NPAS2: variants seen among roughly 807,000 people sequenced by gnomAD.
The protein encoded by NPAS2 is neuronal PAS domain-containing protein 2.
NPAS2 carries 23 observed loss-of-function variants against 107.5 expected under a neutral mutation model. The ratio of observed to expected loss-of-function variants is 0.21; its 90% CI spans 0.15 to 0.30. The LOEUF (loss-of-function observed/expected upper bound fraction) is 0.30, where lower values mean the gene tolerates loss of function less well. Ranked by LOEUF, NPAS2 falls within the 10% of genes least tolerant of loss-of-function variation. The probability of loss-of-function intolerance (pLI) is 1.00; values close to 1 mark genes in which losing one functional copy is unlikely to be tolerated. For missense variants in NPAS2, 756 were observed against 1,043.3 expected, an observed-to-expected ratio of 0.72 and a Z score of 3.79; for synonymous variants, 403 against 417.5, an observed-to-expected ratio of 0.97 and a Z score of 0.42.
At chr2:100,942,362 T>C (rs1472340805) in intron 5 of NPAS2, among the ~76,000 whole-genome samples, 1 of 152,076 alleles carries the variant, frequency 6.6e-6, no homozygotes, top group East Asian at 1.9e-4. Context: ...AGCATCCCTC[T>C]GCCCTTCCCA....
intron 14 of NPAS2, 91 bp from the exon 15 acceptor site, chr2:100,977,619 G>A (rs944000374): frequency 3.0e-5 from 33 of 1,101,260 alleles, no homozygotes; most frequent in African/African-American, 1.5e-5. Flanking sequence ...CCCCAGTGCG[G>A]AACGCAGAGA....
chr2:100,854,318 C>G (rs1259980145), intron 1 of NPAS2, among the ~76,000 whole-genome samples: 3 of 152,106 alleles, frequency 2.0e-5, no homozygotes, highest in Non-Finnish European at 4.4e-5. Flanking sequence ...AAACCCAAGC[C>G]TAAGTGGCTT....
At chr2:100,950,753 G>A (rs183661619) in intron 7 of NPAS2, among the ~76,000 whole-genome samples, 2 of 152,298 alleles carry the variant, frequency 1.3e-5, no homozygotes, top group East Asian at 3.9e-4. Context: ...ACCCATCCAG[G>A]GCTTAAGATG....
At chr2:100,931,314 G>GC (rs762724749) in intron 3 of NPAS2, among the ~76,000 whole-genome samples, 13 of 151,974 alleles carry the variant, frequency 8.6e-5, no homozygotes, top group Non-Finnish European at 1.5e-4. Flanking sequence ...GCTCTTTTCT[G>GC]CCCCTTTAAA....
chr2:100,888,917 T>C (rs1680881121), intron 1 of NPAS2, among the ~76,000 whole-genome samples: 1 of 152,172 alleles, frequency 6.6e-6, no homozygotes, highest in African/African-American at 2.4e-5. Context: ...GCCACTTCTT[T>C]AGACATTTGC....
intron 2 of NPAS2, among the ~76,000 whole-genome samples, chr2:100,921,906 C>T (rs1331837080): frequency 3.3e-5 from 5 of 152,158 alleles, no homozygotes; most frequent in African/African-American, 9.7e-5. Context: ...ATTCTTATTA[C>T]CCCTGAACTG....
Position 100,995,910 on chromosome 2 carries a change from C to G in NPAS2, c.*328C>G. On this transcript the variant is annotated 3_prime_UTR_variant, in exon 21 of 21. Coordinates refer to ENST00000335681, the MANE Select transcript of NPAS2 (RefSeq NM_002518.4). ...TCTCGCTGCATCCCCCGAGAGTACACCGGTTGCTCTAGCCACCTGCGGCCC... is the reference window on the plus strand; with the variant it reads ...TCTCGCTGCATCCCCCGAGAGTACAGCGGTTGCTCTAGCCACCTGCGGCCC... The G allele has an allele frequency of 7.0e-7, 1 of 1,431,554 alleles. No homozygotes were observed. The highest frequency in any genetic ancestry group is 2.1e-5 in the Admixed American group (1 of 47,518). 88.7% of individuals were successfully genotyped at this position (1,431,554 alleles called of 1,614,324 possible). A position where few individuals can be genotyped will look rare whatever the true frequency, so the allele number is the denominator to read the frequency against.
intron 17 of NPAS2, 42 bp downstream of exon 17, chr2:100,988,318 C>A: frequency 6.5e-7 from 1 of 1,545,858 alleles, no homozygotes; most frequent in Non-Finnish European, 8.9e-7. Context: ...GCCTCTAGAG[C>A]AGACACCCTC....
chr2:100,946,553 TG>T (rs2105033271), intron 5 of NPAS2, among the ~76,000 whole-genome samples: 1 of 152,186 alleles, frequency 6.6e-6, no homozygotes, highest in Non-Finnish European at 1.5e-5. Context: ...TGCTGGGAGC[TG>T]GGAGAGGCAG....
At chr2:100,972,442 G>C (rs536590071) in intron 12 of NPAS2, among the ~76,000 whole-genome samples, 2 of 152,324 alleles carry the variant, frequency 1.3e-5, no homozygotes, top group Admixed American at 6.5e-5. Flanking sequence ...AGAGCCTTGG[G>C]CCAGAGGCTG....
At chr2:100,830,984 G>A (rs1676694408) in intron 1 of NPAS2, among the ~76,000 whole-genome samples, 1 of 152,132 alleles carries the variant, frequency 6.6e-6, no homozygotes, top group Non-Finnish European at 1.5e-5. Flanking sequence ...AAGCCAGTCT[G>A]GCTGCTACAT....
At chr2:100,935,754 A>T (rs916185201) in intron 4 of NPAS2, among the ~76,000 whole-genome samples, 1 of 152,130 alleles carries the variant, frequency 6.6e-6, no homozygotes, top group Non-Finnish European at 1.5e-5. Context: ...CTTACCCCTT[A>T]AAAAAATTCA....
chr2:100,990,524 G>A (rs1351038377), intron 18 of NPAS2, 78 bp downstream of exon 18: 9 of 1,455,796 alleles, frequency 6.2e-6, no homozygotes, highest in Non-Finnish European at 8.6e-6. Flanking sequence ...TTCTGCTTTA[G>A]ACGGAGGCAG....
intron 1 of NPAS2, among the ~76,000 whole-genome samples, chr2:100,852,662 G>T (rs1169359285): frequency 1.3e-5 from 2 of 152,134 alleles, no homozygotes; most frequent in Admixed American, 6.5e-5. Context: ...TGCAGGAAGG[G>T]ATTCATGCAC....
At chr2:100,868,457 G>T (rs1369515964) in intron 1 of NPAS2, among the ~76,000 whole-genome samples, 1 of 152,136 alleles carries the variant, frequency 6.6e-6, no homozygotes, top group Non-Finnish European at 1.5e-5. Context: ...CATGGTGATT[G>T]TCTCCAGGAA....
At chr2:100,857,953 A>T (rs75097289) in intron 1 of NPAS2, among the ~76,000 whole-genome samples, 3,277 of 152,324 alleles carry the variant, frequency 0.022, 62 homozygotes, top group South Asian at 0.033. Flanking sequence ...TATCAGCTGT[A>T]GGCAAGTTGG....
intron 5 of NPAS2, among the ~76,000 whole-genome samples, chr2:100,946,518 A>G (rs1177987985): frequency 2.0e-5 from 3 of 152,200 alleles, no homozygotes; most frequent in African/African-American, 7.2e-5. Flanking sequence ...ACTGGAGGAA[A>G]AAAGGCTCGG....
At position 100,964,874 on chromosome 2, in the gene NPAS2, T is replaced by C; in HGVS notation, c.731T>C (p.Val244Ala). ...CTTCCAATACAGGAAATGTGCATAG[T>C]TGACGAACCTTTAGAGGAATTCACT... ...TPQFLKEMCIVDEPLEEFTSR... is the reference protein window; with the variant it reads ...TPQFLKEMCIADEPLEEFTSR... Residue 244 changes from valine (V) to alanine (A), a missense_variant, in exon 9 of 21, where the codon GTT (valine) becomes GCT (alanine). By Grantham distance (64) the Val-to-Ala change is moderately conservative (BLOSUM62 0). Coordinates refer to ENST00000335681, the MANE Select transcript of NPAS2 (RefSeq NM_002518.4). 6.3e-7 allele frequency: 1 copy of C among 1,578,118 alleles called. No homozygotes were observed.
At chr2:100,859,547 G>A (rs2104519689) in intron 1 of NPAS2, among the ~76,000 whole-genome samples, 1 of 152,312 alleles carries the variant, frequency 6.6e-6, no homozygotes, top group East Asian at 1.9e-4. Context: ...GGAAGTGGAT[G>A]GATTTGAACT....
Sources: gnomAD v4.1 joint callset for allele counts (sites outside exome capture counted in the v4.1 genomes callset) on GRCh38, gnomAD v4.1.1 for gene constraint, MANE v1.5 for transcripts, NCBI Gene and HGNC (gene_info 2026-07-23, HGNC 2026-07-21) for gene names.